Variants in CCDC73 observed in about 807,000 individuals in gnomAD.
The protein encoded by CCDC73 is coiled-coil domain containing 73.
CCDC73 carries 95 observed loss-of-function variants against 116.5 expected under a neutral mutation model. That is an observed-to-expected ratio of 0.82 (90% CI 0.69 to 0.97). The LOEUF (loss-of-function observed/expected upper bound fraction) is 0.97. CCDC73 is among the 50% of genes least tolerant of loss of function. CCDC73 has a pLI of 0.00. For missense variants in CCDC73, 1,066 were observed against 1,206.8 expected (o/e 0.88, Z 1.73); for synonymous variants, 398 against 401.3 (o/e 0.99, Z 0.10).
At chr11:32,622,981 CATTTT>C (rs202129403) in intron 14 of CCDC73, among the ~76,000 whole-genome samples, 18 of 151,736 alleles carry the variant, frequency 1.2e-4, no homozygotes, top group South Asian at 4.2e-4. Flanking sequence ...ATGTAATGTC[CATTTT>C]ATTTTATTTT....
At chr11:32,707,695 CA>C (rs952645773) in intron 3 of CCDC73, among the ~76,000 whole-genome samples, 7 of 139,244 alleles carry the variant, frequency 5.0e-5, no homozygotes, top group African/African-American at 1.8e-4. Flanking sequence ...TTTGTCAGAA[CA>C]AAGCACATTA....
At chr11:32,799,614 A>G (rs1334877245), upstream of CCDC73, among the ~76,000 whole-genome samples, 1 of 152,138 alleles carries the variant, frequency 6.6e-6, no homozygotes, top group African/African-American at 2.4e-5. Flanking sequence ...AAAGTATGTC[A>G]TTTTTACTTG....
intron 14 of CCDC73, among the ~76,000 whole-genome samples, chr11:32,618,518 C>T (rs996449405): frequency 4.6e-5 from 7 of 151,700 alleles, no homozygotes; most frequent in East Asian, 1.9e-4. Context: ...TCTCTGCAGC[C>T]TCGTTGGCAT....
At chr11:32,644,495 T>C (rs563502379) in intron 12 of CCDC73, among the ~76,000 whole-genome samples, 1 of 152,326 alleles carries the variant, frequency 6.6e-6, no homozygotes, top group South Asian at 2.1e-4. Flanking sequence ...ATATGTAACA[T>C]AAAATTTACC....
chr11:32,745,743 T>TTTTG (rs1554968180), intron 2 of CCDC73, among the ~76,000 whole-genome samples: 4 of 79,236 alleles, frequency 5.0e-5, no homozygotes, highest in Non-Finnish European at 7.3e-5. Flanking sequence ...TTGTTTGTTT[T>TTTTG]GGTTTTTTTT....
chr11:32,669,563 A>C (rs1397087279), intron 9 of CCDC73, among the ~76,000 whole-genome samples: 1 of 151,936 alleles, frequency 6.6e-6, no homozygotes, highest in South Asian at 2.1e-4. Flanking sequence ...CATTCTTTCT[A>C]ATTTCTTTGT....
chr11:32,706,221 G>C (rs1224866069), intron 3 of CCDC73, among the ~76,000 whole-genome samples: 1 of 152,158 alleles, frequency 6.6e-6, no homozygotes, highest in Non-Finnish European at 1.5e-5. Flanking sequence ...TGAGTCCACT[G>C]GAGACTTCAG....
chr11:32,786,989 G>A (rs1160797605), intron 1 of CCDC73, among the ~76,000 whole-genome samples: 2 of 152,106 alleles, frequency 1.3e-5, no homozygotes, highest in East Asian at 1.9e-4. Flanking sequence ...AGGGATAAAT[G>A]AGCCTGTAAG....
the CCDC73 span, among the ~76,000 whole-genome samples, chr11:32,813,326 T>A: frequency 6.6e-6 from 1 of 152,190 alleles, no homozygotes; most frequent in Non-Finnish European, 1.5e-5. Flanking sequence ...AAGTCTCTTT[T>A]TTTTTCTGCA....
intron 14 of CCDC73, among the ~76,000 whole-genome samples, chr11:32,629,438 G>A (rs1284419016): frequency 1.3e-5 from 2 of 150,506 alleles, no homozygotes; most frequent in East Asian, 3.9e-4. Flanking sequence ...TTTTTGAGGC[G>A]GAGTTTGCCC....
chr11:32,773,779 C>CA (rs11448530), intron 1 of CCDC73, among the ~76,000 whole-genome samples: 84,545 of 144,310 alleles, frequency 0.59, 24,378 homozygotes, highest in East Asian at 0.84. Context: ...GATGCTGTCT[C>CA]AAAAAAAAAA....
the CCDC73 span, among the ~76,000 whole-genome samples, chr11:32,815,853 A>T: frequency 6.6e-6 from 1 of 152,310 alleles, no homozygotes; most frequent in South Asian, 2.1e-4. Context: ...GTTTCCTCAG[A>T]CAATCCTGCC....
chr11:32,702,306 G>A (rs1849820728), intron 4 of CCDC73, among the ~76,000 whole-genome samples: 1 of 152,176 alleles, frequency 6.6e-6, no homozygotes, highest in South Asian at 2.1e-4. Context: ...AGAAATTTTA[G>A]TCAAGAAAAG....
At chr11:32,815,464 C>T in the CCDC73 span, among the ~76,000 whole-genome samples, 290 of 150,086 alleles carry the variant, frequency 1.9e-3, no homozygotes, top group Middle Eastern at 0.014. Context: ...CCTCCCAAAG[C>T]GCTGGGATTT....
intron 2 of CCDC73, among the ~76,000 whole-genome samples, chr11:32,728,215 C>G (rs1850045722): frequency 6.6e-6 from 1 of 152,078 alleles, no homozygotes; most frequent in Non-Finnish European, 1.5e-5. Flanking sequence ...TGCACCATTG[C>G]ACTCCAGCCT....
intron 14 of CCDC73, among the ~76,000 whole-genome samples, chr11:32,618,872 T>C (rs972658513): frequency 6.6e-6 from 1 of 152,194 alleles, no homozygotes; most frequent in Non-Finnish European, 1.5e-5. Flanking sequence ...TTAATAGTCA[T>C]TCCGACTGGT....
chr11:32,689,086 G>A (rs934748485), intron 6 of CCDC73, among the ~76,000 whole-genome samples: 2 of 152,060 alleles, frequency 1.3e-5, no homozygotes, highest in African/African-American at 4.8e-5. Context: ...AGGAAGACTA[G>A]AAGAACTTAA....
intron 7 of CCDC73, chr11:32,682,706 A>G (rs1856158861): frequency 6.6e-6 from 1 of 151,594 alleles, no homozygotes; most frequent in Non-Finnish European, 1.5e-5. Flanking sequence ...AAAAACACAG[A>G]AAAAAAAATC....
intron 2 of CCDC73, among the ~76,000 whole-genome samples, chr11:32,746,196 G>T (rs1368551565): frequency 6.6e-6 from 1 of 152,120 alleles, no homozygotes; most frequent in Non-Finnish European, 1.5e-5. Flanking sequence ...GCTCAGTTTG[G>T]CTGGATATGA....
Sources: gnomAD v4.1 joint callset for allele counts (sites outside exome capture counted in the v4.1 genomes callset) on GRCh38, gnomAD v4.1.1 for gene constraint, MANE v1.5 for transcripts, NCBI Gene and HGNC (gene_info 2026-07-23, HGNC 2026-07-21) for gene names.